ASIC2: variants seen among roughly 807,000 people sequenced by gnomAD.
ASIC2 encodes acid sensing ion channel subunit 2.
In ASIC2, 25 loss-of-function variants were observed where a neutral mutation model predicts 57.3. The ratio of observed to expected loss-of-function variants is 0.44; its 90% confidence interval spans 0.32 to 0.61. The LOEUF (loss-of-function observed/expected upper bound fraction) is 0.61, where lower values mean the gene tolerates loss of function less well. Ranked by LOEUF, ASIC2 falls within the 20% of genes least tolerant of loss-of-function variation. ASIC2 has a pLI of 0.06. For synonymous variants in ASIC2, 319 were observed against 307.5 expected, an observed-to-expected ratio of 1.04 and a Z score of -0.39; for missense variants, 641 against 738.1, an observed-to-expected ratio of 0.87 and a Z score of 1.52.
At chr17:33,661,417 C>G (rs1248895520) in intron 1 of ASIC2, among the ~76,000 whole-genome samples, 1 of 152,196 alleles carries the variant, frequency 6.6e-6, no homozygotes, top group Non-Finnish European at 1.5e-5. Flanking sequence ...TGCACAATAA[C>G]GAGGGCCATC....
chr17:34,118,922 A>T (rs1372020217), intron 1 of ASIC2: 1 of 152,260 alleles, frequency 6.6e-6, no homozygotes, highest in Non-Finnish European at 1.5e-5. Context: ...CTCTGCTGAC[A>T]GACAGATGAT....
At chr17:33,877,849 G>A (rs996048903) in intron 1 of ASIC2, among the ~76,000 whole-genome samples, 4 of 152,186 alleles carry the variant, frequency 2.6e-5, no homozygotes, top group Admixed American at 6.5e-5. Context: ...CTAACTGGGA[G>A]GCACCCCCCA....
At chr17:33,375,635 A>G (rs558379418) in intron 1 of ASIC2, among the ~76,000 whole-genome samples, 1 of 152,310 alleles carries the variant, frequency 6.6e-6, no homozygotes, top group Admixed American at 6.5e-5. Context: ...GAAGAAGCAG[A>G]CAGACCAGTT....
At chr17:33,800,800 A>AT (rs1039213802) in intron 1 of ASIC2, among the ~76,000 whole-genome samples, 3 of 152,138 alleles carry the variant, frequency 2.0e-5, no homozygotes, top group Non-Finnish European at 2.9e-5. Flanking sequence ...CATGCAGTCA[A>AT]TTTTTTATCC....
intron 1 of ASIC2, among the ~76,000 whole-genome samples, chr17:33,802,671 C>A (rs1191532855): frequency 1.3e-5 from 2 of 152,224 alleles, no homozygotes; most frequent in Non-Finnish European, 2.9e-5. Context: ...TAAACAGTAA[C>A]TGCTTCAGTC....
At chr17:33,136,908 A>G (rs2092369192) in intron 1 of ASIC2, among the ~76,000 whole-genome samples, 1 of 152,210 alleles carries the variant, frequency 6.6e-6, no homozygotes, top group Admixed American at 6.5e-5. Context: ...ACCTGCCTTT[A>G]CCAGCTGTAC....
chr17:33,469,235 A>G (rs1912962687), intron 1 of ASIC2, among the ~76,000 whole-genome samples: 1 of 152,204 alleles, frequency 6.6e-6, no homozygotes, highest in African/African-American at 2.4e-5. Flanking sequence ...GTCGAGACCC[A>G]TGGAGCACAG....
chr17:33,488,795 C>T (rs1263361408), intron 1 of ASIC2, among the ~76,000 whole-genome samples: 2 of 152,194 alleles, frequency 1.3e-5, no homozygotes, highest in African/African-American at 2.4e-5. Context: ...CCCACCTCCA[C>T]AGTGAACTTC....
intron 1 of ASIC2, among the ~76,000 whole-genome samples, chr17:33,398,915 C>G (rs1002648306): frequency 2.6e-5 from 4 of 152,096 alleles, no homozygotes; most frequent in Non-Finnish European, 4.4e-5. Context: ...CTGCAAAGGG[C>G]CTTGTTTTCC....
chr17:34,093,076 A>C (rs1910390024), intron 1 of ASIC2, among the ~76,000 whole-genome samples: 1 of 152,240 alleles, frequency 6.6e-6, no homozygotes, highest in Non-Finnish European at 1.5e-5. Context: ...TTATTTCAGA[A>C]CACCACAATT....
intron 1 of ASIC2, among the ~76,000 whole-genome samples, chr17:33,841,558 C>G (rs1163621617): frequency 6.6e-6 from 1 of 152,020 alleles, no homozygotes; most frequent in African/African-American, 2.4e-5. Flanking sequence ...ATTTTGAAAC[C>G]AATAAAAGAA....
At chr17:34,004,726 G>C (rs1249582983) in intron 1 of ASIC2, 1 of 152,166 alleles carries the variant, frequency 6.6e-6, no homozygotes, top group African/African-American at 2.4e-5. Context: ...TGAGCTTCTT[G>C]CCCATTCAAT....
At chr17:33,972,546 C>T (rs1376904274) in intron 1 of ASIC2, among the ~76,000 whole-genome samples, 1 of 152,282 alleles carries the variant, frequency 6.6e-6, no homozygotes, top group Non-Finnish European at 1.5e-5. Flanking sequence ...CATCAAGAAG[C>T]ATTCTCTGTT....
intron 1 of ASIC2, among the ~76,000 whole-genome samples, chr17:34,136,769 G>C (rs1406879220): frequency 6.6e-6 from 1 of 152,164 alleles, no homozygotes; most frequent in Non-Finnish European, 1.5e-5. Context: ...CTCATATTTG[G>C]CTCAGAATAA....
intron 1 of ASIC2, among the ~76,000 whole-genome samples, chr17:33,184,157 G>A (rs578177028): frequency 1.3e-5 from 2 of 152,096 alleles, no homozygotes; most frequent in East Asian, 1.9e-4. Context: ...AGGTTAAAGC[G>A]ACTTGCCCAA....
At chr17:33,303,484 A>T (rs1451310450) in intron 1 of ASIC2, among the ~76,000 whole-genome samples, 2 of 152,154 alleles carry the variant, frequency 1.3e-5, no homozygotes, top group Non-Finnish European at 2.9e-5. Flanking sequence ...ACACAAAAAC[A>T]TTTCCTCTTT....
Position 33,683,483 on chromosome 17 carries a change from C to T in ASIC2, c.555+472495G>A, listed in dbSNP as rs537546856. 2.6e-5 allele frequency among the ~76,000 whole-genome samples: 4 copies of T among 152,312 alleles called. No individual in the cohort carries two copies. The South Asian group carries it at 8.3e-4, about 32-fold the overall frequency. ...ACCTCCCTGGCTCAAGTGATCCTCCCACCTCAGCCTCCCAAGTAGGTGGGT... is the reference window on the plus strand; with the variant it reads ...ACCTCCCTGGCTCAAGTGATCCTCCTACCTCAGCCTCCCAAGTAGGTGGGT... On this transcript the variant is annotated intron_variant, in intron 1 of 9. Transcript: ENST00000359872.
intron 1 of ASIC2, among the ~76,000 whole-genome samples, chr17:33,522,028 A>C (rs1308212414): frequency 2.0e-5 from 3 of 152,162 alleles, no homozygotes; most frequent in Admixed American, 6.5e-5. Flanking sequence ...TAGCTGAGCA[A>C]AGCCAGCTGG....
chr17:33,686,914 C>T (rs1908212799), intron 1 of ASIC2, among the ~76,000 whole-genome samples: 1 of 152,018 alleles, frequency 6.6e-6, no homozygotes, highest in African/African-American at 2.4e-5. Context: ...CAGGGAGGGG[C>T]AGGGGTTGGG....
Sources: gnomAD v4.1 joint callset for allele counts (sites outside exome capture counted in the v4.1 genomes callset) on GRCh38, gnomAD v4.1.1 for gene constraint, MANE v1.5 for transcripts, NCBI Gene and HGNC (gene_info 2026-07-23, HGNC 2026-07-21) for gene names.